The following RAD51B variants were observed in gnomAD, a reference collection of about 807,000 sequenced individuals.
RAD51B encodes the protein RAD51 paralog B.
A neutral mutation model predicts 42.2 loss-of-function variants in RAD51B; 38 were observed. The observed-to-expected ratio is 0.90, with a 90% CI of 0.70 to 1.18. The LOEUF (loss-of-function observed/expected upper bound fraction) is 1.18. RAD51B is among the 50% of genes most tolerant of loss of function. The pLI, the probability that RAD51B is intolerant of heterozygous loss-of-function variation, is 0.00. For missense variants in RAD51B, 373 were observed against 400.7 expected (o/e 0.93, Z 0.59); for synonymous variants, 154 against 145.2 (o/e 1.06, Z -0.43).
intron 11 of RAD51B, among the ~76,000 whole-genome samples, chr14:68,661,216 G>T (rs575879383): frequency 2.6e-5 from 4 of 152,332 alleles, no homozygotes; most frequent in African/African-American, 9.6e-5. Flanking sequence ...TGCAAGGAAA[G>T]GAACGGAAAG....
chr14:68,154,698 T>C (rs2078463284), intron 7 of RAD51B, among the ~76,000 whole-genome samples: 1 of 152,130 alleles, frequency 6.6e-6, no homozygotes, highest in Admixed American at 6.5e-5. Context: ...ACTTTCCTTT[T>C]TTTTTTTTTT....
At chr14:68,671,163 C>T (rs1234705513) in intron 11 of RAD51B, among the ~76,000 whole-genome samples, 1 of 152,180 alleles carries the variant, frequency 6.6e-6, no homozygotes, top group African/African-American at 2.4e-5. Flanking sequence ...GATAACTGGG[C>T]AAACCATCCA....
intron 10 of RAD51B, among the ~76,000 whole-genome samples, chr14:68,529,727 C>A (rs1887153545): frequency 6.6e-6 from 1 of 152,130 alleles, no homozygotes; most frequent in African/African-American, 2.4e-5. Flanking sequence ...AAATTAGTAT[C>A]CAAGCAAAAA....
At chr14:68,173,460 A>G (rs1413810843) in intron 7 of RAD51B, among the ~76,000 whole-genome samples, 2 of 152,222 alleles carry the variant, frequency 1.3e-5, no homozygotes, top group Non-Finnish European at 1.5e-5. Flanking sequence ...TGGGGAATTA[A>G]CTTTTGGGCT....
intron 8 of RAD51B, among the ~76,000 whole-genome samples, chr14:68,363,983 C>T (rs1438751350): frequency 6.6e-6 from 1 of 152,214 alleles, no homozygotes; most frequent in African/African-American, 2.4e-5. Context: ...TGTTTGCCCA[C>T]ACGCGCCCCA....
chr14:68,187,146 C>A (rs941127190), intron 7 of RAD51B, among the ~76,000 whole-genome samples: 1 of 152,070 alleles, frequency 6.6e-6, no homozygotes, highest in Non-Finnish European at 1.5e-5. Context: ...TAAGTGGAAG[C>A]TAAACATTAA....
At chr14:68,526,453 C>T (rs927222433) in intron 10 of RAD51B, among the ~76,000 whole-genome samples, 5 of 152,230 alleles carry the variant, frequency 3.3e-5, no homozygotes, top group South Asian at 2.1e-4. Flanking sequence ...CCGTATTATA[C>T]GTCCAGCAAT....
intron 7 of RAD51B, among the ~76,000 whole-genome samples, chr14:68,216,650 C>G (rs2079821921): frequency 2.6e-5 from 4 of 152,134 alleles, no homozygotes; most frequent in Non-Finnish European, 5.9e-5. Context: ...GTTCCTTTAT[C>G]TTTTTATTTC....
Position 68,062,128 on chromosome 14 carries a change from A to G in RAD51B, c.756+174924A>G, listed in dbSNP as rs1345337932. On this transcript the variant is annotated intron_variant, in intron 7 of 10. Coordinates refer to ENST00000471583, the MANE Select transcript of RAD51B (RefSeq NM_133510.4). Reference sequence around the variant, plus strand: ...ATAAAGGGATGTTGAATTTTATCAAATGCTTTTTCTGCATCTGTTGAGATG... The same window carrying G: ...ATAAAGGGATGTTGAATTTTATCAAGTGCTTTTTCTGCATCTGTTGAGATG... 3.3e-5 allele frequency among the ~76,000 whole-genome samples: 5 copies of G among 152,266 alleles called. No homozygotes were observed. The East Asian group carries it at 9.6e-4, about 29-fold the overall frequency.
intron 7 of RAD51B, among the ~76,000 whole-genome samples, chr14:68,249,312 A>G (rs2080569695): frequency 6.6e-6 from 1 of 152,222 alleles, no homozygotes; most frequent in African/African-American, 2.4e-5. Flanking sequence ...ATTTTTGCTG[A>G]AAAAGAAAAG....
chr14:68,503,503 T>C (rs1201966562), intron 10 of RAD51B, among the ~76,000 whole-genome samples: 1 of 152,172 alleles, frequency 6.6e-6, no homozygotes, highest in African/African-American at 2.4e-5. Flanking sequence ...ACTAGATTTC[T>C]ATCTTTTTAT....
In RAD51B at chr14:68,410,992, T is replaced by C. The variant is rs184276207; in HGVS notation, c.854-432T>C. On this transcript the variant is annotated intron_variant, in intron 8 of 10. Transcript: ENST00000471583. ...TTACATGTATATGCCACCATTTCTA[T>C]ATTGATAGGGAAAATTGAGTTAAGA... Among the ~76,000 whole-genome samples the C allele has an allele frequency of 4.6e-5, 7 of 152,290 alleles. No homozygotes were observed. The East Asian group carries it at 9.7e-4, about 21-fold the overall frequency.
chr14:67,988,279 T>A (rs577086812), intron 7 of RAD51B, among the ~76,000 whole-genome samples: 2 of 152,138 alleles, frequency 1.3e-5, no homozygotes, highest in East Asian at 3.9e-4. Flanking sequence ...GCCAACATAG[T>A]GAAAGCCTGT....
At chr14:68,101,320 CAA>C (rs994488892) in intron 7 of RAD51B, among the ~76,000 whole-genome samples, 2 of 152,170 alleles carry the variant, frequency 1.3e-5, no homozygotes, top group African/African-American at 4.8e-5. Context: ...AAAAGTCTGG[CAA>C]AGTCTTAACT....
At chr14:67,915,610 C>T (rs184244404) in intron 7 of RAD51B, among the ~76,000 whole-genome samples, 2 of 152,288 alleles carry the variant, frequency 1.3e-5, no homozygotes, top group African/African-American at 4.8e-5. Context: ...ACCTACTGCC[C>T]TTTAAAGACA....
intron 7 of RAD51B, among the ~76,000 whole-genome samples, chr14:68,234,562 A>T (rs1190023301): frequency 6.6e-6 from 1 of 152,214 alleles, no homozygotes; most frequent in African/African-American, 2.4e-5. Flanking sequence ...CCTGTAGAGC[A>T]TGTTATTGTA....
chr14:67,966,019 T>G (rs1595177495), intron 7 of RAD51B, among the ~76,000 whole-genome samples: 2 of 152,226 alleles, frequency 1.3e-5, no homozygotes. Context: ...ATTAAATGAA[T>G]GCCTCCTTCC....
intron 10 of RAD51B, chr14:68,540,464 A>G (rs1566931644): frequency 8.1e-6 from 8 of 985,328 alleles, no homozygotes; most frequent in Non-Finnish European, 9.6e-6. Context: ...CTTACTCTTC[A>G]TGTGGAAATG....
chr14:67,873,088 T>C (rs2042598898), intron 5 of RAD51B, among the ~76,000 whole-genome samples: 1 of 152,042 alleles, frequency 6.6e-6, no homozygotes, highest in Non-Finnish European at 1.5e-5. Context: ...AATTGACAAA[T>C]GGGATCTAAT....
Sources: allele counts gnomAD v4.1 joint callset (sites outside exome capture counted in the v4.1 genomes callset), GRCh38; gene constraint gnomAD v4.1.1; transcripts MANE v1.5; gene names NCBI Gene and HGNC (gene_info 2026-07-23, HGNC 2026-07-21).